Variants in NEU3 observed in about 807,000 individuals in gnomAD.
NEU3 encodes the protein sialidase-3.
NEU3 carries 10 observed loss-of-function variants against 11.4 expected under a neutral mutation model. The ratio of observed to expected loss-of-function variants is 0.88; its 90% confidence interval spans 0.54 to 1.49. The LOEUF (loss-of-function observed/expected upper bound fraction) is 1.49, where lower values mean the gene tolerates loss of function less well. Among genes scored for constraint, NEU3 ranks in the 40% most tolerant of loss-of-function variants. The pLI, the probability that NEU3 is intolerant of heterozygous loss-of-function variation, is 0.00. For synonymous variants in NEU3, 212 were observed against 228.2 expected, an observed-to-expected ratio of 0.93 and a Z score of 0.64; for missense variants, 529 against 581.8, an observed-to-expected ratio of 0.91 and a Z score of 0.93.
chr11:74,992,828 C>T (rs938002667), intron 1 of NEU3, among the ~76,000 whole-genome samples: 2 of 152,040 alleles, frequency 1.3e-5, no homozygotes, highest in African/African-American at 2.4e-5. Flanking sequence ...GGCGTGCTGG[C>T]GGGCGCTTGC....
At chr11:74,988,827 G>C (rs887601022), upstream of NEU3, 39 of 540,552 alleles carry the variant, frequency 7.2e-5, no homozygotes, top group East Asian at 3.1e-4. Flanking sequence ...GCAGCGCCGA[G>C]GGGGCGGGAC....
At chr11:74,989,220 A>T (rs1948704721) in intron 1 of NEU3, 66 bp downstream of exon 1, 1 of 1,320,772 alleles carries the variant, frequency 7.6e-7, no homozygotes, top group African/African-American at 1.5e-5. Context: ...AGGTTGAGCA[A>T]GACCATCTGC....
Position 75,005,606 on chromosome 11 carries a change from C to A in NEU3, c.500C>A (p.Ala167Asp). The A allele has an allele frequency of 1.2e-6, 2 of 1,614,026 alleles. No homozygotes were observed. Among genetic ancestry groups the A allele is most frequent in the African/African-American group, 2.7e-5 (2 of 75,040 alleles). ...CTTTGCTTCATCTACAGTCAGGATG[C>A]TGGATGTTCATGGAGTGAGGTGAGG... ...ARLCFIYSQD[A>D]GCSWSEVRDL... Residue 167 changes from alanine (A) to aspartate (D), a missense_variant, in exon 3 of 3, where the codon GCT becomes GAT. By Grantham distance (126) the Ala-to-Asp change is moderately radical. Transcript: ENST00000294064.
chr11:75,005,390 C>T, intron 2 of NEU3, 23 bp from the exon 3 acceptor site: 4 of 1,557,012 alleles, frequency 2.6e-6, no homozygotes, highest in Non-Finnish European at 3.5e-6. Flanking sequence ...CTCACTCCTA[C>T]TTTCTCCCTT....
At chr11:75,017,631 T>A (rs906561045) in intron 3 of NEU3, among the ~76,000 whole-genome samples, 14 of 152,176 alleles carry the variant, frequency 9.2e-5, no homozygotes, top group Admixed American at 5.9e-4. Flanking sequence ...AGTCCATGCC[T>A]GGCTTCTTTG....
At chr11:74,983,487 T>TC (rs1055797455), upstream of NEU3, among the ~76,000 whole-genome samples, 2 of 152,214 alleles carry the variant, frequency 1.3e-5, no homozygotes, top group African/African-American at 4.8e-5. Context: ...TCCTGAGTAC[T>TC]CCAAGAGTGA....
Position 75,005,973 on chromosome 11 carries a change from C to T in NEU3, c.867C>T (p.Ser289=), listed in dbSNP as rs1948893926. The change falls in exon 3 of 3, where the codon AGC becomes AGT. Residue 289 remains serine (S), a synonymous_variant. Coordinates refer to ENST00000294064, the MANE Select transcript of NEU3 (RefSeq NM_006656.6). ...TPNRCRAEAL[S]TDHGEGFQRL... is the part of the protein sequence containing the mutation. The stretch of plus-strand genomic sequence containing the variant: ...ACAGGTGCCGGGCAGAGGCGCTCAG[C>T]ACTGACCATGGTGAAGGCTTTCAGA... The T allele has an allele frequency of 1.2e-6, 2 of 1,613,932 alleles. No homozygotes were observed. Among genetic ancestry groups the T allele is most frequent in the Non-Finnish European group, 1.7e-6 (2 of 1,179,894 alleles).
intron 1 of NEU3, 34 bp downstream of exon 1, chr11:74,989,188 A>C: frequency 4.0e-6 from 6 of 1,502,236 alleles, no homozygotes; most frequent in Non-Finnish European, 5.4e-6. Context: ...GAGCTCCCCG[A>C]GGAGGACTCA....
chr11:74,982,936 T>TCATTTCTTG, the NEU3 span, among the ~76,000 whole-genome samples: 1 of 152,128 alleles, frequency 6.6e-6, no homozygotes, highest in Non-Finnish European at 1.5e-5. Flanking sequence ...GGAAATAACA[T>TCATTTCTTG]CATTTCTTGG....
chr11:74,985,218 T>C (rs938118467), upstream of NEU3, among the ~76,000 whole-genome samples: 4 of 152,160 alleles, frequency 2.6e-5, no homozygotes, highest in Non-Finnish European at 5.9e-5. Flanking sequence ...AGGAAATATT[T>C]CAGACAAATA....
At chr11:74,990,725 C>T (rs886630357) in intron 1 of NEU3, among the ~76,000 whole-genome samples, 13 of 152,136 alleles carry the variant, frequency 8.5e-5, no homozygotes, top group African/African-American at 2.7e-4. Flanking sequence ...CTTCTTATCA[C>T]CTGGAGAATT....
intron 2 of NEU3, among the ~76,000 whole-genome samples, chr11:74,997,794 C>T (rs1191897776): frequency 1.3e-5 from 2 of 150,760 alleles, no homozygotes; most frequent in Admixed American, 6.6e-5. Context: ...ACACAGGAGG[C>T]GGGGGTTGCA....
In NEU3 at chr11:74,994,733, C is replaced by T; in HGVS notation, c.306+13C>T. 1 of 1,608,946 alleles carries T rather than the reference C, an allele frequency of 6.2e-7. No individual in the cohort carries two copies. The highest frequency in any genetic ancestry group is 8.5e-7 in the Non-Finnish European group (1 of 1,175,254). ...GCAGTTGGTACAGGTGACTCTTCAT[C>T]CCAGATCTGAGTCTGGGCCTCAGTT... On this transcript the variant is annotated intron_variant, in intron 2 of 2. Coordinates refer to ENST00000294064, the MANE Select transcript of NEU3 (RefSeq NM_006656.6).
intron 2 of NEU3, among the ~76,000 whole-genome samples, chr11:75,002,725 C>T (rs1948858228): frequency 6.6e-6 from 1 of 152,218 alleles, no homozygotes; most frequent in South Asian, 2.1e-4. Flanking sequence ...TCGTCAGCAT[C>T]TGAGAAGCTT....
intron 2 of NEU3, among the ~76,000 whole-genome samples, chr11:75,003,814 C>T (rs142597738): frequency 1.3e-5 from 2 of 151,768 alleles, no homozygotes; most frequent in African/African-American, 4.8e-5. Context: ...CACTTGAACT[C>T]GGGAGGCAGA....
chr11:74,981,973 C>G, the NEU3 span, among the ~76,000 whole-genome samples: 17 of 152,268 alleles, frequency 1.1e-4, no homozygotes, highest in South Asian at 1.0e-3. Flanking sequence ...CCAGATTGTA[C>G]TTAGGTTGTT....
chr11:74,999,051 C>A (rs1948818772), intron 2 of NEU3, among the ~76,000 whole-genome samples: 1 of 152,192 alleles, frequency 6.6e-6, no homozygotes, highest in Non-Finnish European at 1.5e-5. Context: ...CTGGCTCAAG[C>A]AATTTTCCTA....
intron 2 of NEU3, among the ~76,000 whole-genome samples, chr11:74,999,473 C>G (rs1948823081): frequency 6.6e-6 from 1 of 152,122 alleles, no homozygotes; most frequent in South Asian, 2.1e-4. Flanking sequence ...CAATTCTTTC[C>G]CAATATAGAA....
chr11:75,005,733 C>T lies in NEU3; in HGVS notation c.627C>T (p.Ile209=). The T allele has an allele frequency of 5.0e-6, 8 of 1,613,984 alleles. No individual in the cohort carries two copies. The highest frequency in any genetic ancestry group is 8.5e-7 in the Non-Finnish European group (1 of 1,179,870). The part of the protein sequence containing the change: ...GIQLQSGRLV[I]PAYTYYIPSW... ...AGCTGCAGTCAGGGAGACTGGTCAT[C>T]CCTGCGTATACCTACTACATCCCTT... The change falls in exon 3 of 3, where the codon ATC becomes ATT. Residue 209 remains isoleucine (I), a synonymous_variant. Coordinates refer to ENST00000294064, the MANE Select transcript of NEU3 (RefSeq NM_006656.6).
Sources: allele counts gnomAD v4.1 joint callset (sites outside exome capture counted in the v4.1 genomes callset), GRCh38; gene constraint gnomAD v4.1.1; transcripts MANE v1.5; gene names NCBI Gene and HGNC (gene_info 2026-07-23, HGNC 2026-07-21).